The following SLC26A4 variants were observed in gnomAD, a reference collection of about 807,000 sequenced individuals.
SLC26A4 encodes pendrin.
Under a neutral mutation model 90.4 loss-of-function variants are expected in SLC26A4, and 93 were observed. That is an observed-to-expected ratio of 1.03 (90% CI 0.87 to 1.22). The LOEUF (loss-of-function observed/expected upper bound fraction) is 1.22. SLC26A4 is among the 50% of genes most tolerant of loss of function. The probability of loss-of-function intolerance (pLI) is 0.00; values close to 1 mark genes in which losing one functional copy is unlikely to be tolerated. For synonymous variants in SLC26A4, 393 were observed against 354.6 expected, an observed-to-expected ratio of 1.11 and a Z score of -1.22; for missense variants, 1,127 against 946.2, an observed-to-expected ratio of 1.19 and a Z score of -2.51.
At chr7:107,704,556 G>C (rs930214167) in intron 18 of SLC26A4, among the ~76,000 whole-genome samples, 171 bp downstream of exon 18, 9 of 151,576 alleles carry the variant, frequency 5.9e-5, no homozygotes, top group African/African-American at 2.2e-4. Context: ...CCATAAAACA[G>C]AATAAGTGTT....
At chr7:107,694,743 C>G (rs995574436) in intron 12 of SLC26A4, 27 bp downstream of exon 12, 11 of 1,479,796 alleles carry the variant, frequency 7.4e-6, no homozygotes, top group Non-Finnish European at 9.5e-6. Flanking sequence ...CTATATTTAT[C>G]TGAAATAAGA....
chr7:107,677,464 GA>G (rs1791057135), intron 6 of SLC26A4, among the ~76,000 whole-genome samples: 1 of 152,110 alleles, frequency 6.6e-6, no homozygotes, highest in Admixed American at 6.5e-5. Flanking sequence ...TATCACAGAT[GA>G]ATAGACCTCA....
intron 6 of SLC26A4, among the ~76,000 whole-genome samples, chr7:107,679,494 C>T (rs549207956): frequency 1.3e-5 from 2 of 152,178 alleles, no homozygotes; most frequent in East Asian, 1.9e-4. Context: ...TCAATTTTCT[C>T]ATACACATTA....
chr7:107,704,947 G>A (rs13245080), intron 18 of SLC26A4, among the ~76,000 whole-genome samples: 76,451 of 152,008 alleles, frequency 0.5, 19,688 homozygotes, highest in East Asian at 0.63. Flanking sequence ...CGTCTAGTGC[G>A]GGAGCTTAGT....
chr7:107,662,182 C>T (rs566750802), intron 2 of SLC26A4: 12 of 250,492 alleles, frequency 4.8e-5, no homozygotes, highest in Non-Finnish European at 9.2e-5. Context: ...AGCTCTTGAC[C>T]AGGAGGAGTC....
At chr7:107,693,176 C>T (rs372528037) in intron 10 of SLC26A4, 32 of 394,336 alleles carry the variant, frequency 8.1e-5, no homozygotes, top group East Asian at 3.2e-4. Context: ...TGAAGGAAAG[C>T]GAAGAGAAGG....
At chr7:107,696,144 T>C in intron 13 of SLC26A4, 105 bp downstream of exon 13, 2 of 783,656 alleles carry the variant, frequency 2.6e-6, no homozygotes, top group Non-Finnish European at 4.7e-6. Flanking sequence ...TCGTTATAGT[T>C]ACTGTATATT....
chr7:107,673,568 C>T (rs1032862927), intron 4 of SLC26A4, among the ~76,000 whole-genome samples: 3 of 152,124 alleles, frequency 2.0e-5, no homozygotes, highest in Non-Finnish European at 4.4e-5. Flanking sequence ...ACTCTCATCC[C>T]TGTCCCCACC....
intron 3 of SLC26A4, among the ~76,000 whole-genome samples, chr7:107,666,072 G>C (rs1345965680): frequency 6.6e-6 from 1 of 152,172 alleles, no homozygotes; most frequent in African/African-American, 2.4e-5. Flanking sequence ...ACAGGCACAG[G>C]TGCTGACTTC....
chr7:107,703,273 G>A (rs1231065722), intron 17 of SLC26A4, among the ~76,000 whole-genome samples: 1 of 152,212 alleles, frequency 6.6e-6, no homozygotes, highest in Non-Finnish European at 1.5e-5. Flanking sequence ...AGGCAGAAAA[G>A]TAAGCAGGTC....
Position 107,672,244 on chromosome 7 carries a change from AGT to A in SLC26A4, c.412_413del (p.Val138TrpfsTer43), listed in dbSNP as rs1562822691. 4 of 1,563,260 alleles carry A rather than the reference AGT, an allele frequency of 2.6e-6. No homozygotes were observed. In the Admixed American group the frequency reaches 6.7e-5, roughly 26 times the overall value. On this transcript the variant is annotated frameshift_variant and splice_region_variant, in exon 4 of 21. Coordinates refer to ENST00000644269, the MANE Select transcript of SLC26A4 (RefSeq NM_000441.2). LOFTEE classifies it high-confidence loss of function. Reference sequence around the variant, plus strand: ...TCTTTGGAACATCAAGACATATCTCAGTTGGTAATTATAAGTATATTTTACAA... The same window carrying A: ...TCTTTGGAACATCAAGACATATCTCATGGTAATTATAAGTATATTTTACAA... ...FIFGTSRHIS[V>X]GPFPVVSLMV...
Position 107,676,051 on chromosome 7 carries a change from A to G in SLC26A4, c.765+942A>G, listed in dbSNP as rs1791016306. On this transcript the variant is annotated intron_variant, in intron 6 of 20. Coordinates refer to ENST00000644269, the MANE Select transcript of SLC26A4 (RefSeq NM_000441.2). ...AGCCTCAGCTTTGTCTCTAACAGGTAAGTGACCCTGGATACATCATGTAGG... is the reference window on the plus strand; with the variant it reads ...AGCCTCAGCTTTGTCTCTAACAGGTGAGTGACCCTGGATACATCATGTAGG... Among the ~76,000 whole-genome samples the G allele has an allele frequency of 3.3e-5, 5 of 152,342 alleles. No homozygotes were observed. In the South Asian group the frequency reaches 1.0e-3, roughly 32 times the overall value.
At chr7:107,662,101 G>A (rs903292015) in intron 2 of SLC26A4, 2 of 495,950 alleles carry the variant, frequency 4.0e-6, no homozygotes, top group African/African-American at 4.0e-5. Flanking sequence ...AACTTGGAGT[G>A]CCTCTTGGGG....
intron 8 of SLC26A4, among the ~76,000 whole-genome samples, chr7:107,685,155 T>G (rs985322366): frequency 1.3e-4 from 20 of 152,120 alleles, no homozygotes; most frequent in African/African-American, 4.8e-4. Flanking sequence ...CCCATTGGTG[T>G]TGTTCAGCTC....
At chr7:107,669,985 G>C (rs542807899) in intron 3 of SLC26A4, among the ~76,000 whole-genome samples, 4 of 152,144 alleles carry the variant, frequency 2.6e-5, no homozygotes, top group Non-Finnish European at 5.9e-5. Context: ...GAGAGTTTCC[G>C]CTGCATTGGC....
chr7:107,674,951 T>C lies in SLC26A4; in HGVS notation c.607T>C (p.Phe203Leu). The change falls in exon 6 of 21, where the codon TTT becomes CTT. Residue 203 changes from phenylalanine to leucine, a missense_variant. Physicochemically the swap from Phe to Leu is conservative, Grantham distance 22. Coordinates refer to ENST00000644269, the MANE Select transcript of SLC26A4 (RefSeq NM_000441.2). Reference sequence around the variant, plus strand: ...TTCCTTTTCCTTATCGTAGTTGATATTTGGTGGCTTGCAGATTGGATTCAT... The same window carrying C: ...TTCCTTTTCCTTATCGTAGTTGATACTTGGTGGCTTGCAGATTGGATTCAT... The part of the protein sequence containing the change: ...TLLVGIIQLI[F>L]GGLQIGFIVR... The C allele has an allele frequency of 6.2e-7, 1 of 1,613,836 alleles. No individual in the cohort carries two copies. The highest frequency in any genetic ancestry group is 8.5e-7 in the Non-Finnish European group (1 of 1,179,944).
At chr7:107,715,395 A>G in intron 20 of SLC26A4, 28 bp from the exon 21 acceptor site, 1 of 1,603,904 alleles carries the variant, frequency 6.2e-7, no homozygotes, top group Non-Finnish European at 8.5e-7. Context: ...AGTTGTATCA[A>G]CACTTTGTTT....
intron 18 of SLC26A4, among the ~76,000 whole-genome samples, chr7:107,705,787 T>C (rs765026135): frequency 2.0e-4 from 31 of 152,246 alleles, no homozygotes; most frequent in Admixed American, 1.3e-3. Flanking sequence ...GGGAGTCTTG[T>C]TCTGACAGTC....
intron 8 of SLC26A4, among the ~76,000 whole-genome samples, chr7:107,688,539 T>C (rs188363641): frequency 9.8e-4 from 149 of 152,334 alleles, no homozygotes; most frequent in African/African-American, 3.4e-3. Flanking sequence ...TAATTTAATC[T>C]TTTTTGCCTT....
Sources: allele counts gnomAD v4.1 joint callset (sites outside exome capture counted in the v4.1 genomes callset), GRCh38; gene constraint gnomAD v4.1.1; transcripts MANE v1.5; gene names NCBI Gene and HGNC (gene_info 2026-07-23, HGNC 2026-07-21).